KLHL13: variants seen among roughly 807,000 people sequenced by gnomAD.
KLHL13 encodes kelch like family member 13.
A neutral mutation model predicts 37.1 loss-of-function variants in KLHL13; 10 were observed. The observed-to-expected ratio is 0.27, with a 90% CI of 0.17 to 0.46. KLHL13 has a LOEUF of 0.46. KLHL13 is among the 20% of genes least tolerant of loss of function. The pLI, the probability that KLHL13 is intolerant of heterozygous loss-of-function variation, is 1.00. For synonymous variants in KLHL13, 163 were observed against 181.2 expected, an observed-to-expected ratio of 0.90 and a Z score of 0.81; for missense variants, 360 against 509.3, an observed-to-expected ratio of 0.71 and a Z score of 2.82.
At chrX:118,022,152 T>C (rs1460712920) in intron 1 of KLHL13, among the ~76,000 whole-genome samples, 1 of 112,086 alleles carries the variant, frequency 8.9e-6, no homozygotes, top group Non-Finnish European at 1.9e-5. Flanking sequence ...GATGGGTAGA[T>C]TGTAAAAATT....
chrX:118,097,486 T>C (rs1168379204), intron 1 of KLHL13, among the ~76,000 whole-genome samples: 2 of 111,435 alleles, frequency 1.8e-5, no homozygotes, highest in African/African-American at 3.3e-5. Flanking sequence ...ATCAATATTG[T>C]GAAAATGGCC....
At chrX:117,934,205 T>C (rs1310165775) in intron 2 of KLHL13, among the ~76,000 whole-genome samples, 2 of 110,813 alleles carry the variant, frequency 1.8e-5, no homozygotes, top group African/African-American at 3.3e-5. Flanking sequence ...ACTTGGGCAA[T>C]GGAATCATTA....
intron 1 of KLHL13, among the ~76,000 whole-genome samples, chrX:118,055,449 T>C (rs1039414023): frequency 8.9e-6 from 1 of 112,258 alleles, no homozygotes; most frequent in African/African-American, 3.2e-5. Context: ...TTGGTTTCTT[T>C]AAAACAGATA....
At chrX:117,977,052 T>C (rs1364339058), upstream of KLHL13, among the ~76,000 whole-genome samples, 1 of 112,051 alleles carries the variant, frequency 8.9e-6, no homozygotes, top group African/African-American at 3.2e-5. Context: ...ATAGGACTCT[T>C]GTAGAATCCC....
At chrX:118,017,645 A>G (rs774648843) in intron 1 of KLHL13, among the ~76,000 whole-genome samples, 1 of 111,484 alleles carries the variant, frequency 9.0e-6, no homozygotes, top group Non-Finnish European at 1.9e-5. Context: ...CACAGTCAGT[A>G]GCACCCCATA....
chrX:118,058,669 G>T (rs977624976), intron 1 of KLHL13, among the ~76,000 whole-genome samples: 1 of 111,655 alleles, frequency 9.0e-6, no homozygotes, highest in Non-Finnish European at 1.9e-5. Flanking sequence ...TTTCATTAAG[G>T]CAGAAAGAAT....
intron 1 of KLHL13, among the ~76,000 whole-genome samples, chrX:118,078,389 C>A (rs1475822418): frequency 2.7e-5 from 3 of 111,240 alleles, no homozygotes; most frequent in African/African-American, 9.8e-5. Context: ...CATCACTGTC[C>A]AAATTTCCTT....
chrX:117,983,504 T>C, intron 1 of KLHL13: 1 of 1,149,066 alleles, frequency 8.7e-7, no homozygotes, highest in Non-Finnish European at 1.2e-6. Flanking sequence ...TTTGAATATA[T>C]CCTTGAAATC....
chrX:118,100,352 T>G (rs2055274029), intron 1 of KLHL13, among the ~76,000 whole-genome samples: 1 of 111,375 alleles, frequency 9.0e-6, no homozygotes, highest in Non-Finnish European at 1.9e-5. Context: ...ACGTGAAAAT[T>G]TATACAATTA....
intron 2 of KLHL13, among the ~76,000 whole-genome samples, chrX:117,926,616 G>A (rs1298635317): frequency 9.0e-6 from 1 of 111,096 alleles, no homozygotes; most frequent in African/African-American, 3.3e-5. Context: ...CCTCAGTACT[G>A]GGGGAAAGTT....
exon 1 of KLHL13, chrX:117,972,947 A>ATTT: frequency 9.1e-7 from 1 of 1,096,680 alleles, no homozygotes; most frequent in Non-Finnish European, 1.2e-6. Context: ...CAAGCAAAGG[A>ATTT]TTCTGCCAGT....
At chrX:117,971,639 C>A (rs973678341) in intron 1 of KLHL13, among the ~76,000 whole-genome samples, 2 of 111,007 alleles carry the variant, frequency 1.8e-5, no homozygotes, top group African/African-American at 3.3e-5. Flanking sequence ...TCAACACTTT[C>A]CAGGGAATTG....
intron 1 of KLHL13, chrX:117,946,844 T>A (rs1035889771): frequency 2.7e-5 from 3 of 112,066 alleles, no homozygotes; most frequent in Non-Finnish European, 5.6e-5. Context: ...ATACTAAAGA[T>A]TCTGCTTTTT....
intron 1 of KLHL13, among the ~76,000 whole-genome samples, chrX:118,102,539 C>T (rs1216924630): frequency 1.8e-5 from 2 of 112,056 alleles, no homozygotes; most frequent in African/African-American, 6.5e-5. Flanking sequence ...GCTGTGAGTA[C>T]CTCATAGAAT....
chrX:118,022,075 T>A (rs1333729296), intron 1 of KLHL13, among the ~76,000 whole-genome samples: 1 of 112,076 alleles, frequency 8.9e-6, no homozygotes, highest in Non-Finnish European at 1.9e-5. Flanking sequence ...CCACTTTTGA[T>A]GGGGTTGATT....
chrX:117,944,954 C>G (rs983625651), intron 2 of KLHL13, among the ~76,000 whole-genome samples: 24 of 111,669 alleles, frequency 2.1e-4, no homozygotes, highest in Non-Finnish European at 3.8e-4. Context: ...ACTACCAATG[C>G]GAGTTGGGAC....
chrX:118,096,178 C>T (rs757442473), intron 1 of KLHL13, among the ~76,000 whole-genome samples: 175 of 111,286 alleles, frequency 1.6e-3, no homozygotes, highest in Non-Finnish European at 2.7e-3. Context: ...TGATAGACTG[C>T]TAGCAAGACT....
At chrX:117,966,968 C>T (rs980619147) in intron 1 of KLHL13, among the ~76,000 whole-genome samples, 1 of 111,672 alleles carries the variant, frequency 9.0e-6, no homozygotes, top group Non-Finnish European at 1.9e-5. Context: ...TTGAAGAAAA[C>T]CTAGGCAATA....
intron 4 of KLHL13, among the ~76,000 whole-genome samples, chrX:117,917,520 A>C (rs1488179851): frequency 8.9e-6 from 1 of 112,520 alleles, no homozygotes; most frequent in African/African-American, 3.2e-5. Context: ...ACACAGGTTA[A>C]GGAACCAACA....
Sources: allele counts gnomAD v4.1 joint callset (sites outside exome capture counted in the v4.1 genomes callset), GRCh38; gene constraint gnomAD v4.1.1; transcripts MANE v1.5; gene names NCBI Gene and HGNC (gene_info 2026-07-23, HGNC 2026-07-21).